ZNF439: variants seen among roughly 807,000 people sequenced by gnomAD.
ZNF439 encodes zinc finger protein 439.
In ZNF439, 40 loss-of-function variants were observed where a neutral mutation model predicts 47.3. The observed-to-expected ratio is 0.85, with a 90% CI of 0.66 to 1.10. The LOEUF is 1.10. Among genes scored for constraint, ZNF439 ranks in the 50% least tolerant of loss-of-function variants. The pLI is 0.00. For missense variants in ZNF439, 556 were observed against 601.1 expected (o/e 0.93, Z 0.78); for synonymous variants, 171 against 198.8 (o/e 0.86, Z 1.18).
At chr19:11,849,987 C>G (rs546633386) in intron 1 of ZNF439, 1 of 152,350 alleles carries the variant, frequency 6.6e-6, no homozygotes, top group East Asian at 1.9e-4. Flanking sequence ...CCCATCCTGT[C>G]ATACAGAGGC....
At chr19:11,853,900 C>T (rs554984571) in intron 1 of ZNF439, among the ~76,000 whole-genome samples, 1 of 152,300 alleles carries the variant, frequency 6.6e-6, no homozygotes, top group East Asian at 1.9e-4. Context: ...TATTGAGGCT[C>T]TCTAGGCCTT....
In ZNF439 at chr19:11,866,217, T is replaced by C. The variant is rs1415750770; in HGVS notation, c.76T>C (p.Phe26Leu). Residue 26 changes from phenylalanine to leucine, a missense_variant, in exon 2 of 4, where the codon TTT becomes CTT. Physicochemically the swap from Phe to Leu is conservative, Grantham distance 22. Coordinates refer to ENST00000682736, the MANE Select transcript of ZNF439 (RefSeq NM_001348719.2). Reference protein sequence around the residue: ...SESREMDPVAFKDVAVNFTQE... With the variant: ...SESREMDPVALKDVAVNFTQE... ...TGAGATGTTTCAGGACCCAGTGGCT[T>C]TTAAGGATGTGGCTGTGAACTTCAC... is the stretch of plus-strand genomic sequence containing the variant. The C allele has an allele frequency of 3.7e-6, 6 of 1,614,142 alleles. No homozygotes were observed. In the South Asian group the frequency reaches 6.6e-5, roughly 18 times the overall value.
chr19:11,851,793 C>T (rs990173272), intron 1 of ZNF439, among the ~76,000 whole-genome samples: 4 of 152,050 alleles, frequency 2.6e-5, no homozygotes, highest in Middle Eastern at 3.4e-3. Context: ...AGACTATAGT[C>T]GCCCACTACC....
chr19:11,863,350 G>T (rs994159672), intron 1 of ZNF439, among the ~76,000 whole-genome samples: 1 of 151,456 alleles, frequency 6.6e-6, no homozygotes, highest in African/African-American at 2.4e-5. Context: ...TAGTAGAGGC[G>T]GGGTTTCACC....
Position 11,848,805 on chromosome 19 carries a change from T to C in ZNF439, c.-63T>C. On this transcript the variant is annotated 5_prime_UTR_variant, in exon 1 of 4. Coordinates refer to ENST00000682736, the MANE Select transcript of ZNF439 (RefSeq NM_001348719.2). ...CGAGGGCGGCGGTTGGGATCTGGCC[T>C]TTCCAGCCCCGAGAGGGACCTAGTG... is the stretch of plus-strand genomic sequence containing the variant. 6.9e-7 allele frequency: 1 copy of C among 1,454,064 alleles called. No homozygotes were observed. The highest frequency in any genetic ancestry group is 9.2e-7 in the Non-Finnish European group (1 of 1,086,198). 90.1% of individuals were successfully genotyped at this position (1,454,064 alleles called of 1,614,324 possible).
rs547272059 is a variant in ZNF439, at chr19:11,867,625, T to C, written c.571T>C (p.Tyr191His). ...QERDHTGKKP[Y>H]ACKECGKNII... ...AAGGGATCACACTGGAAAGAAACCCTATGCTTGTAAAGAATGTGGAAAAAA... is the reference window on the plus strand; with the variant it reads ...AAGGGATCACACTGGAAAGAAACCCCATGCTTGTAAAGAATGTGGAAAAAA... The change falls in exon 4 of 4, where the codon TAT becomes CAT. Residue 191 changes from tyrosine (Y) to histidine (H), a missense_variant. Tyr to His is a moderately conservative substitution (Grantham distance 83). Coordinates refer to ENST00000682736, the MANE Select transcript of ZNF439 (RefSeq NM_001348719.2). 25 of 1,614,058 alleles carry C rather than the reference T, an allele frequency of 1.5e-5. No homozygotes were observed. In the East Asian group the frequency reaches 5.3e-4, roughly 35 times the overall value.
rs190404291 is a variant in ZNF439, at chr19:11,867,753, A to G, written c.699A>G (p.Leu233=). ...GGAAAGCATTCCATTGTCTCAGTTT[A>G]TATCTTATCCATGAAAGAACTCACA... ...FCGKAFHCLS[L]YLIHERTHTG... The change falls in exon 4 of 4, where the codon TTA becomes TTG. Residue 233 remains leucine (L), a synonymous_variant. Transcript: ENST00000682736. 1 of 1,614,164 alleles carries G rather than the reference A, an allele frequency of 6.2e-7. No homozygotes were observed. The highest frequency in any genetic ancestry group is 8.5e-7 in the Non-Finnish European group (1 of 1,180,010).
At position 11,853,078 on chromosome 19, in the gene ZNF439, T is replaced by C. The variant is rs1385285894; in HGVS notation, c.63+4148T>C. Among the ~76,000 whole-genome samples, 3 of 152,006 alleles carry C rather than the reference T, an allele frequency of 2.0e-5. No individual in the cohort carries two copies. The East Asian group carries it at 5.8e-4, about 29-fold the overall frequency. On this transcript the variant is annotated intron_variant, in intron 1 of 3. Transcript: ENST00000682736. ...CTGAGAAGCTGGGATTACAGGCGCC[T>C]GCCACCACGCCTGGCTAATTTTTGT...
At chr19:11,860,899 T>C (rs1046230782) in intron 1 of ZNF439, among the ~76,000 whole-genome samples, 2 of 152,214 alleles carry the variant, frequency 1.3e-5, no homozygotes, top group African/African-American at 2.4e-5. Flanking sequence ...ACATTCTGCA[T>C]TGATGATAAA....
chr19:11,868,847 T>A lies in ZNF439; in HGVS notation c.*278T>A. ...GTAAGAAATGTGGAAAAGCGTTCCA[T>A]AATTTCTCTTCTTTTCAAATACATG... On this transcript the variant is annotated 3_prime_UTR_variant, in exon 4 of 4. Coordinates refer to ENST00000682736, the MANE Select transcript of ZNF439 (RefSeq NM_001348719.2). 2.1e-6 allele frequency: 1 copy of A among 487,284 alleles called. No individual in the cohort carries two copies. The highest frequency in any genetic ancestry group is 3.3e-5 in the Admixed American group (1 of 30,650). The allele number at this position is 487,284 out of a possible 1,614,324, so 30.2% of individuals were successfully genotyped here. A position where few individuals can be genotyped will look rare whatever the true frequency, so the allele number is the denominator to read the frequency against.
rs1373178067 is a variant in ZNF439, at chr19:11,867,840, T to C, written c.786T>C (p.His262=). 6.2e-7 allele frequency: 1 copy of C among 1,613,774 alleles called. No individual in the cohort carries two copies. Among genetic ancestry groups the C allele is most frequent in the African/African-American group, 1.3e-5 (1 of 74,966 alleles). The change falls in exon 4 of 4, where the codon CAT becomes CAC. Residue 262 remains histidine, a synonymous_variant. Coordinates refer to ENST00000682736, the MANE Select transcript of ZNF439 (RefSeq NM_001348719.2). ...CGKSFSYSAT[H]RIHERTHIGE... is the part of the protein sequence containing the mutation. Reference sequence around the variant, plus strand: ...AATCTTTTAGTTATTCTGCTACCCATCGAATACATGAAAGAACTCACATTG... The same window carrying C: ...AATCTTTTAGTTATTCTGCTACCCACCGAATACATGAAAGAACTCACATTG...
intron 3 of ZNF439, 32 bp from the exon 4 acceptor site, chr19:11,867,274 A>C (rs1568261217): frequency 6.3e-7 from 1 of 1,588,472 alleles, no homozygotes; most frequent in East Asian, 2.2e-5. Flanking sequence ...TTATAAACAA[A>C]CTCTTCATAA....
Position 11,869,023 on chromosome 19 carries a change from C to A in ZNF439, c.*454C>A. ...AAACAAGCATTCAATTATTTTTCTT[C>A]CTTGCATATACATGAAAGGACTCAT... On this transcript the variant is annotated 3_prime_UTR_variant, in exon 4 of 4. Coordinates refer to ENST00000682736, the MANE Select transcript of ZNF439 (RefSeq NM_001348719.2). 1 of 278,282 alleles carries A rather than the reference C, an allele frequency of 3.6e-6. No individual in the cohort carries two copies. The highest frequency in any genetic ancestry group is 7.4e-6 in the Non-Finnish European group (1 of 135,868). 17.2% of individuals were successfully genotyped at this position (278,282 alleles called of 1,614,324 possible).
intron 1 of ZNF439, chr19:11,849,183 C>T: frequency 1.9e-6 from 2 of 1,076,376 alleles, no homozygotes; most frequent in Non-Finnish European, 2.3e-6. Context: ...CAGCCCGACG[C>T]CCCAGCTTGT....
At position 11,865,911 on chromosome 19, in the gene ZNF439, C is replaced by CA. The variant is rs548522702; in HGVS notation, c.64-293dup. The CA allele has an allele frequency of 3.8e-3, 2,512 of 662,432 alleles. 5 individuals are homozygous for CA. Among genetic ancestry groups the CA allele is most frequent in the Non-Finnish European group, 4.4e-3 (2,096 of 477,952 alleles). The allele number at this position is 662,432 out of a possible 1,614,324, so 41.0% of individuals were successfully genotyped here. On this transcript the variant is annotated intron_variant, in intron 1 of 3. Coordinates refer to ENST00000682736, the MANE Select transcript of ZNF439 (RefSeq NM_001348719.2). Reference sequence around the variant, plus strand: ...GTATGCTGGTGCATGCCTGTAATCCCAGCTACTCGGGAGGCTGAGGCAGAA... The same window carrying CA: ...GTATGCTGGTGCATGCCTGTAATCCCAAGCTACTCGGGAGGCTGAGGCAGAA...
chr19:11,861,139 A>G (rs1319651161), intron 1 of ZNF439, among the ~76,000 whole-genome samples: 1 of 151,822 alleles, frequency 6.6e-6, no homozygotes, highest in Non-Finnish European at 1.5e-5. Flanking sequence ...CCACAGCCTA[A>G]CTCTTCAAGG....
rs760219975 is a variant in ZNF439 at position 11,867,884 on chromosome 19, G to A, written c.830G>A (p.Cys277Tyr). The change falls in exon 4 of 4, where the codon TGT becomes TAT. Residue 277 changes from cysteine to tyrosine, a missense_variant. Transcript: ENST00000682736. The stretch of plus-strand genomic sequence containing the variant: ...CACATTGGAGAAAAGCCTTATGAAT[G>A]TCAGGAATGTGGGAAAGCATTCCAT... ...RTHIGEKPYE[C>Y]QECGKAFHSP... is the part of the protein sequence containing the mutation. The A allele has an allele frequency of 1.9e-6, 3 of 1,614,078 alleles. No individual in the cohort carries two copies. Among genetic ancestry groups the A allele is most frequent in the East Asian group, 4.5e-5 (2 of 44,866 alleles).
intron 1 of ZNF439, among the ~76,000 whole-genome samples, chr19:11,864,835 C>T (rs1439851220): frequency 6.6e-6 from 1 of 151,466 alleles, no homozygotes; most frequent in Non-Finnish European, 1.5e-5. Context: ...ACTCTTGTTG[C>T]CCAGGCTGGA....
At chr19:11,861,665 G>A (rs1976544239) in intron 1 of ZNF439, among the ~76,000 whole-genome samples, 2 of 152,214 alleles carry the variant, frequency 1.3e-5, no homozygotes, top group South Asian at 4.1e-4. Context: ...ACTGTGAAGA[G>A]AGAAATATCC....
Sources: allele counts gnomAD v4.1 joint callset (sites outside exome capture counted in the v4.1 genomes callset), GRCh38; gene constraint gnomAD v4.1.1; transcripts MANE v1.5; gene names NCBI Gene and HGNC (gene_info 2026-07-23, HGNC 2026-07-21).